Variants in NYAP2 observed in about 807,000 individuals in gnomAD.
The protein encoded by NYAP2 is neuronal tyrosine-phosphorylated phosphoinositide-3-kinase adapter 2.
Under a neutral mutation model 50.4 loss-of-function variants are expected in NYAP2, and 23 were observed. The observed-to-expected ratio is 0.46, with a 90% CI of 0.33 to 0.65. The LOEUF (loss-of-function observed/expected upper bound fraction) is 0.65, where lower values mean the gene tolerates loss of function less well. Ranked by LOEUF, NYAP2 falls within the 30% of genes least tolerant of loss-of-function variation. The probability of loss-of-function intolerance (pLI) is 0.02; values close to 1 mark genes in which losing one functional copy is unlikely to be tolerated. For synonymous variants in NYAP2, 394 were observed against 365.2 expected, an observed-to-expected ratio of 1.08 and a Z score of -0.90; for missense variants, 885 against 861.0, an observed-to-expected ratio of 1.03 and a Z score of -0.35.
intron 3 of NYAP2, among the ~76,000 whole-genome samples, chr2:225,444,675 A>G (rs1447970303): frequency 6.6e-6 from 1 of 152,214 alleles, no homozygotes; most frequent in Non-Finnish European, 1.5e-5. Context: ...AGGCAAGGGA[A>G]GTGGATTTCT....
the NYAP2 span, chr2:225,701,349 A>G: frequency 2.0e-5 from 3 of 151,806 alleles, no homozygotes; most frequent in African/African-American, 7.2e-5. Flanking sequence ...AGAACAAATC[A>G]TATCATGGCC....
intron 4 of NYAP2, among the ~76,000 whole-genome samples, chr2:225,517,401 C>T (rs2106188273): frequency 6.6e-6 from 1 of 152,174 alleles, no homozygotes; most frequent in South Asian, 2.1e-4. Context: ...ATTGGTCATC[C>T]CCATTCCTCA....
At chr2:225,580,774 A>T (rs1204818475) in intron 4 of NYAP2, among the ~76,000 whole-genome samples, 1 of 152,080 alleles carries the variant, frequency 6.6e-6, no homozygotes, top group African/African-American at 2.4e-5. Flanking sequence ...GTTAAAAAAA[A>T]AAAAGGAAGA....
chr2:225,568,085 G>GT (rs932571405), intron 4 of NYAP2, among the ~76,000 whole-genome samples: 3 of 152,046 alleles, frequency 2.0e-5, no homozygotes, highest in African/African-American at 7.2e-5. Context: ...TACACAGGAG[G>GT]TTTTTTGCCA....
At chr2:225,533,745 G>A (rs553699515) in intron 4 of NYAP2, among the ~76,000 whole-genome samples, 5 of 151,894 alleles carry the variant, frequency 3.3e-5, no homozygotes, top group African/African-American at 9.7e-5. Context: ...CTTCCATATA[G>A]TAAAAAGACT....
the NYAP2 span, among the ~76,000 whole-genome samples, chr2:225,665,150 T>A: frequency 6.6e-6 from 1 of 152,278 alleles, no homozygotes; most frequent in African/African-American, 2.4e-5. Context: ...TTTATTTAGA[T>A]TTTCTCTTTA....
intron 5 of NYAP2, among the ~76,000 whole-genome samples, chr2:225,610,485 T>A (rs1015789199): frequency 1.3e-5 from 2 of 152,182 alleles, no homozygotes; most frequent in African/African-American, 4.8e-5. Context: ...CTTTAACATG[T>A]GAATTTTAAG....
chr2:225,541,937 A>G (rs755940640), intron 4 of NYAP2, among the ~76,000 whole-genome samples: 1 of 152,060 alleles, frequency 6.6e-6, no homozygotes, highest in Non-Finnish European at 1.5e-5. Context: ...ATATTTTTCA[A>G]TTTTTGTTGT....
chr2:225,429,003 G>A (rs1205020121), intron 3 of NYAP2, among the ~76,000 whole-genome samples: 1 of 152,086 alleles, frequency 6.6e-6, no homozygotes, highest in Non-Finnish European at 1.5e-5. Flanking sequence ...ATATTTCCAT[G>A]AGGCAGGTTC....
At chr2:225,483,700 G>A (rs1690245342) in intron 3 of NYAP2, among the ~76,000 whole-genome samples, 1 of 152,162 alleles carries the variant, frequency 6.6e-6, no homozygotes, top group African/African-American at 2.4e-5. Context: ...TTTACAGGGA[G>A]AATGGAAAGT....
the NYAP2 span, among the ~76,000 whole-genome samples, chr2:225,665,203 T>A: frequency 6.6e-6 from 1 of 152,206 alleles, no homozygotes; most frequent in Non-Finnish European, 1.5e-5. Context: ...TTTGCTCTTT[T>A]TTTTTCTATA....
At chr2:225,544,238 A>C (rs1233147340) in intron 4 of NYAP2, among the ~76,000 whole-genome samples, 1 of 148,470 alleles carries the variant, frequency 6.7e-6, no homozygotes, top group African/African-American at 2.5e-5. Flanking sequence ...TTTTTTATCC[A>C]TTGAGCCACT....
intron 3 of NYAP2, among the ~76,000 whole-genome samples, chr2:225,440,799 C>G (rs1165892068): frequency 1.3e-5 from 2 of 152,162 alleles, no homozygotes; most frequent in African/African-American, 4.8e-5. Context: ...AGATTCAGCT[C>G]TCCTGGTGGG....
chr2:225,418,165 T>G (rs1224892774), intron 3 of NYAP2, among the ~76,000 whole-genome samples: 5 of 151,966 alleles, frequency 3.3e-5, no homozygotes, highest in African/African-American at 1.2e-4. Context: ...AAAACAGATT[T>G]CTAAGGAAGA....
At chr2:225,671,992 T>TG in the NYAP2 span, among the ~76,000 whole-genome samples, 2 of 152,106 alleles carry the variant, frequency 1.3e-5, no homozygotes, top group African/African-American at 4.8e-5. Context: ...ATCCACACTT[T>TG]TTTTTTTCAT....
intron 6 of NYAP2, among the ~76,000 whole-genome samples, chr2:225,631,651 A>G (rs1357964293): frequency 1.3e-5 from 2 of 152,174 alleles, no homozygotes; most frequent in Admixed American, 6.5e-5. Context: ...ACTTTTCAGG[A>G]AAGAAAAGGA....
At chr2:225,523,589 A>G (rs1433242207) in intron 4 of NYAP2, among the ~76,000 whole-genome samples, 2 of 152,152 alleles carry the variant, frequency 1.3e-5, no homozygotes, top group African/African-American at 4.8e-5. Context: ...AAAAACATCC[A>G]TGTTTATGGA....
chr2:225,589,519 ATATAT>A (rs1559223476), intron 5 of NYAP2, among the ~76,000 whole-genome samples: 20 of 126,512 alleles, frequency 1.6e-4, no homozygotes, highest in South Asian at 2.7e-4. Flanking sequence ...AAAGTAAAAT[ATATAT>A]ATATATATAT....
chr2:225,582,865 A>G lies in NYAP2; in HGVS notation c.1448A>G (p.Asp483Gly), dbSNP rs372494659. ...TCGACCCCCAGACCCGTGTCGCAAG[A>G]TGGGGCCAAGATGGTCAACGCCGCG... The change falls in exon 5 of 7, where the codon GAT becomes GGT. Residue 483 changes from aspartate (D) to glycine (G), a missense_variant. Asp to Gly is a moderately conservative substitution (Grantham distance 94). Transcript: ENST00000636099. This position sits in a 1 kb window ranked among gnomAD's most constrained non-coding sequence, Gnocchi z 7.0. 6 of 1,613,578 alleles carry G rather than the reference A, an allele frequency of 3.7e-6. No homozygotes were observed. The highest frequency in any genetic ancestry group is 5.1e-6 in the Non-Finnish European group (6 of 1,179,872).
Sources: allele counts gnomAD v4.1 joint callset (sites outside exome capture counted in the v4.1 genomes callset), GRCh38; gene constraint gnomAD v4.1.1; non-coding constraint Gnocchi (gnomAD v3.1); transcripts MANE v1.5; gene names NCBI Gene and HGNC (gene_info 2026-07-23, HGNC 2026-07-21).